Variants in BRMS1L observed in about 807,000 individuals in gnomAD.
BRMS1L encodes BRMS1 like transcriptional repressor.
BRMS1L carries 23 observed loss-of-function variants against 50.3 expected under a neutral mutation model. The ratio of observed to expected loss-of-function variants is 0.46; its 90% CI spans 0.33 to 0.65. BRMS1L has a LOEUF of 0.65. BRMS1L is among the 30% of genes least tolerant of loss of function. The probability of loss-of-function intolerance (pLI) is 0.02; values close to 1 mark genes in which losing one functional copy is unlikely to be tolerated. For synonymous variants in BRMS1L, 114 were observed against 126.9 expected, an observed-to-expected ratio of 0.90 and a Z score of 0.69; for missense variants, 286 against 386.1, an observed-to-expected ratio of 0.74 and a Z score of 2.17.
At chr14:35,868,799 C>T (rs76281845) in intron 9 of BRMS1L, among the ~76,000 whole-genome samples, 7,001 of 151,780 alleles carry the variant, frequency 0.046, 224 homozygotes, top group East Asian at 0.2. Flanking sequence ...CAACAACAAA[C>T]AACAACAACA....
intron 4 of BRMS1L, among the ~76,000 whole-genome samples, chr14:35,848,566 C>T (rs1300378244): frequency 6.6e-6 from 1 of 152,100 alleles, no homozygotes; most frequent in Non-Finnish European, 1.5e-5. Context: ...CTTATTCCCC[C>T]TGTCTAACTG....
intron 4 of BRMS1L, among the ~76,000 whole-genome samples, chr14:35,857,648 G>A (rs980297027): frequency 1.3e-5 from 2 of 151,974 alleles, no homozygotes; most frequent in Admixed American, 6.6e-5. Context: ...AGCAGTTTTA[G>A]ACATTATCTA....
chr14:35,863,965 C>T lies in BRMS1L; in HGVS notation c.622+12C>T. On this transcript the variant is annotated intron_variant, in intron 6 of 9. Transcript: ENST00000216807. The stretch of plus-strand genomic sequence containing the variant: ...AGTTGTTGTTTCAGATATCCTTTTC[C>T]AAATTTTCTGTTTTTTTTTCCTTGA... 1 of 1,609,320 alleles carries T rather than the reference C, an allele frequency of 6.2e-7. No individual in the cohort carries two copies. The highest frequency in any genetic ancestry group is 8.5e-7 in the Non-Finnish European group (1 of 1,177,494).
At chr14:35,849,821 T>G (rs1444747335) in intron 4 of BRMS1L, among the ~76,000 whole-genome samples, 7 of 152,094 alleles carry the variant, frequency 4.6e-5, no homozygotes, top group Non-Finnish European at 1.0e-4. Context: ...CTTTCTGTCT[T>G]TCTTTTTTTT....
chr14:35,857,301 G>GTGTA (rs1369944569), intron 4 of BRMS1L, among the ~76,000 whole-genome samples: 9 of 147,476 alleles, frequency 6.1e-5, no homozygotes, highest in African/African-American at 2.0e-4. Context: ...GTGTGTGTGT[G>GTGTA]TATATATATA....
At chr14:35,829,701 G>A (rs2142035373) in intron 1 of BRMS1L, 1 of 474,990 alleles carries the variant, frequency 2.1e-6, no homozygotes, top group Non-Finnish European at 3.3e-6. Context: ...AAAGCCAGAA[G>A]TATTTTTAAT....
intron 4 of BRMS1L, among the ~76,000 whole-genome samples, chr14:35,856,173 A>G (rs1218591145): frequency 2.6e-5 from 4 of 152,240 alleles, no homozygotes; most frequent in Admixed American, 1.3e-4. Flanking sequence ...GAGACTGGAC[A>G]TGTTCACACA....
rs1219027868 is a variant in BRMS1L at position 35,833,047 on chromosome 14, A to G, written c.303A>G (p.Glu101=). 1 of 1,613,554 alleles carries G rather than the reference A, an allele frequency of 6.2e-7. No individual in the cohort carries two copies. Among genetic ancestry groups the G allele is most frequent in the African/African-American group, 1.3e-5 (1 of 74,922 alleles). Reference sequence around the variant, plus strand: ...AAGTCATAGCTGGAAAAGCACCAGAATACTTGGAACCGCTGGCAACTTTAC... The same window carrying G: ...AAGTCATAGCTGGAAAAGCACCAGAGTACTTGGAACCGCTGGCAACTTTAC... ...LQEVIAGKAP[E]YLEPLATLQE... is the part of the protein sequence containing the mutation. Residue 101 remains glutamate, a synonymous_variant, in exon 3 of 10, where the codon GAA becomes GAG. Transcript: ENST00000216807.
At chr14:35,848,321 A>G (rs2078163221) in intron 4 of BRMS1L, among the ~76,000 whole-genome samples, 1 of 152,146 alleles carries the variant, frequency 6.6e-6, no homozygotes, top group South Asian at 2.1e-4. Context: ...AGTTTCCAGT[A>G]TACAATACAT....
rs181777905 is a variant in BRMS1L, at chr14:35,869,059, A to G, written c.854+1027A>G. Among the ~76,000 whole-genome samples, 570 of 152,296 alleles carry G rather than the reference A, an allele frequency of 3.7e-3. 5 individuals are homozygous for G. The South Asian group carries it at 0.041, about 11-fold the overall frequency. The stretch of plus-strand genomic sequence containing the variant: ...AAACAACTTGAGTTTAGTCTACAGT[A>G]TGCATTTTCCAAATACAGTGGTTTT... On this transcript the variant is annotated intron_variant, in intron 9 of 9. Coordinates refer to ENST00000216807, the MANE Select transcript of BRMS1L (RefSeq NM_032352.4).
chr14:35,837,830 G>C lies in BRMS1L; in HGVS notation c.441+2907G>C, dbSNP rs2078014255. Among the ~76,000 whole-genome samples, 3 of 152,138 alleles carry C rather than the reference G, an allele frequency of 2.0e-5. No homozygotes were observed. In the South Asian group the frequency reaches 6.2e-4, roughly 32 times the overall value. ...TTGACCTAAAATGCTGGGATTACAG[G>C]CTTGAGCCACCATGTCTGGCCCCAA... On this transcript the variant is annotated intron_variant, in intron 4 of 9. Coordinates refer to ENST00000216807, the MANE Select transcript of BRMS1L (RefSeq NM_032352.4).
At chr14:35,848,471 G>T (rs2078166084) in intron 4 of BRMS1L, among the ~76,000 whole-genome samples, 2 of 152,044 alleles carry the variant, frequency 1.3e-5, no homozygotes, top group African/African-American at 4.8e-5. Flanking sequence ...AAGTAGCTGG[G>T]ACTACAGGTG....
chr14:35,869,567 G>A (rs955179196), intron 9 of BRMS1L, among the ~76,000 whole-genome samples: 1 of 151,878 alleles, frequency 6.6e-6, no homozygotes, highest in Non-Finnish European at 1.5e-5. Flanking sequence ...AAATAATTAG[G>A]CCGGGTGCAG....
Position 35,865,900 on chromosome 14 carries a change from C to T in BRMS1L, c.727+139C>T, listed in dbSNP as rs1594350079. On this transcript the variant is annotated intron_variant, in intron 8 of 9. Transcript: ENST00000216807. ...ACCGTGCCTGAAATTATGAGGAATT[C>T]TTCTGGAGTCATTGCTTCACGTAAA... The T allele has an allele frequency of 1.1e-5, 8 of 744,052 alleles. No individual in the cohort carries two copies. In the East Asian group the frequency reaches 2.1e-4, roughly 20 times the overall value. 46.1% of individuals were successfully genotyped at this position (744,052 alleles called of 1,614,324 possible). A position where few individuals can be genotyped will look rare whatever the true frequency, so the allele number is the denominator to read the frequency against.
chr14:35,836,803 C>T (rs2078000109), intron 4 of BRMS1L, among the ~76,000 whole-genome samples: 1 of 148,656 alleles, frequency 6.7e-6, no homozygotes, highest in Non-Finnish European at 1.5e-5. Context: ...AATCCCAGCA[C>T]TTTAGGAGGC....
chr14:35,863,973 C>T lies in BRMS1L; in HGVS notation c.622+20C>T. ...TTTCAGATATCCTTTTCCAAATTTT[C>T]TGTTTTTTTTTCCTTGATGTGCGTT... is the stretch of plus-strand genomic sequence containing the variant. On this transcript the variant is annotated intron_variant, in intron 6 of 9. Transcript: ENST00000216807. The T allele has an allele frequency of 2.5e-6, 4 of 1,606,518 alleles. No individual in the cohort carries two copies. Among genetic ancestry groups the T allele is most frequent in the Non-Finnish European group, 3.4e-6 (4 of 1,174,998 alleles).
Position 35,836,979 on chromosome 14 carries a change from G to T in BRMS1L, c.441+2056G>T, listed in dbSNP as rs555813618. 4.4e-4 allele frequency among the ~76,000 whole-genome samples: 67 copies of T among 152,230 alleles called. 1 individual carries two copies. Among genetic ancestry groups the T allele is most frequent in the Non-Finnish European group, 7.2e-4 (49 of 68,022 alleles). Reference sequence around the variant, plus strand: ...ATATCCCTTGTAAGTTGTATTCCTAGGTATTTTAATCTCTTTGTAGCAATT... The same window carrying T: ...ATATCCCTTGTAAGTTGTATTCCTATGTATTTTAATCTCTTTGTAGCAATT... On this transcript the variant is annotated intron_variant, in intron 4 of 9. Coordinates refer to ENST00000216807, the MANE Select transcript of BRMS1L (RefSeq NM_032352.4).
intron 4 of BRMS1L, among the ~76,000 whole-genome samples, chr14:35,854,185 C>T (rs1287692846): frequency 1.3e-5 from 2 of 152,156 alleles, no homozygotes; most frequent in South Asian, 4.1e-4. Context: ...ACAGCCCTTC[C>T]ATGCAGGCTC....
chr14:35,838,963 G>A (rs2078027649), intron 4 of BRMS1L, among the ~76,000 whole-genome samples: 1 of 152,096 alleles, frequency 6.6e-6, no homozygotes, highest in African/African-American at 2.4e-5. Context: ...TGTCCTGAAT[G>A]GTATTTCCTA....
Sources: gnomAD v4.1 joint callset for allele counts (sites outside exome capture counted in the v4.1 genomes callset) on GRCh38, gnomAD v4.1.1 for gene constraint, MANE v1.5 for transcripts, NCBI Gene and HGNC (gene_info 2026-07-23, HGNC 2026-07-21) for gene names.